Variants in GATAD2B observed in about 807,000 individuals in gnomAD.
GATAD2B encodes GATA zinc finger domain containing 2B, also known as transcriptional repressor p66-beta.
A neutral mutation model predicts 64.3 loss-of-function variants in GATAD2B; 8 were observed. The ratio of observed to expected loss-of-function variants is 0.12; its 90% CI spans 0.07 to 0.22. GATAD2B has a LOEUF of 0.22. Ranked by LOEUF, GATAD2B falls within the 10% of genes least tolerant of loss-of-function variation. GATAD2B has a pLI of 1.00. For synonymous variants in GATAD2B, 281 were observed against 271.3 expected (o/e 1.04, Z -0.35); for missense variants, 453 against 752.0 (o/e 0.60, Z 4.65).
At chr1:153,861,781 CA>C (rs869141712) in intron 1 of GATAD2B, among the ~76,000 whole-genome samples, 19 of 85,722 alleles carry the variant, frequency 2.2e-4, no homozygotes, top group East Asian at 1.5e-3. Flanking sequence ...GACTCCATTT[CA>C]AAAAAAAAAA....
At chr1:153,900,727 G>C (rs1677741166) in intron 1 of GATAD2B, among the ~76,000 whole-genome samples, 1 of 152,036 alleles carries the variant, frequency 6.6e-6, no homozygotes, top group Admixed American at 6.6e-5. Context: ...TTTAGGTTTT[G>C]GAGGCCTTAA....
intron 1 of GATAD2B, among the ~76,000 whole-genome samples, chr1:153,889,955 C>T (rs570429311): frequency 4.0e-5 from 6 of 151,848 alleles, no homozygotes; most frequent in Non-Finnish European, 8.8e-5. Context: ...GGGCAGATCA[C>T]CTGAGGTCGG....
chr1:153,865,475 TA>T (rs543969339), intron 1 of GATAD2B, among the ~76,000 whole-genome samples: 1 of 151,382 alleles, frequency 6.6e-6, no homozygotes, highest in Non-Finnish European at 1.5e-5. Flanking sequence ...ACAAATAATT[TA>T]AAAAAAAATC....
At chr1:153,861,809 T>TATATATATATATATACAC (rs1294838675) in intron 1 of GATAD2B, among the ~76,000 whole-genome samples, 19 of 122,184 alleles carry the variant, frequency 1.6e-4, no homozygotes, top group African/African-American at 5.1e-4. Flanking sequence ...TATATATATA[T>TATATATATATATATACAC]ACACATATGT....
At chr1:153,877,308 A>G (rs1261478236) in intron 1 of GATAD2B, among the ~76,000 whole-genome samples, 2 of 152,152 alleles carry the variant, frequency 1.3e-5, no homozygotes, top group African/African-American at 2.4e-5. Context: ...ACACTACTGC[A>G]CTCCAGCCTG....
intron 1 of GATAD2B, chr1:153,852,686 T>C (rs988515910): frequency 2.2e-6 from 2 of 916,136 alleles, no homozygotes; most frequent in Non-Finnish European, 3.7e-6. Flanking sequence ...TTTGCTTAGC[T>C]TCTTTAACCC....
chr1:153,917,998 G>A (rs1187240174), intron 1 of GATAD2B, among the ~76,000 whole-genome samples: 1 of 152,148 alleles, frequency 6.6e-6, no homozygotes, highest in African/African-American at 2.4e-5. Flanking sequence ...ATTCTCTGTG[G>A]GGAAACCTAG....
At chr1:153,852,995 C>A in intron 1 of GATAD2B, 2 of 1,071,554 alleles carry the variant, frequency 1.9e-6, no homozygotes, top group Admixed American at 1.7e-5. Flanking sequence ...CCAGTCACTA[C>A]CCCTTTGGTC....
At position 153,922,867 on chromosome 1, in the gene GATAD2B, C is replaced by T. The variant is rs1362855138; in HGVS notation, c.-136G>A. 2.9e-4 allele frequency: 16 copies of T among 55,254 alleles called. No individual in the cohort carries two copies. The Admixed American group carries it at 3.6e-3, about 12-fold the overall frequency. The allele number at this position is 55,254 out of a possible 1,614,324, so 3.4% of individuals were successfully genotyped here. On this transcript the variant is annotated 5_prime_UTR_variant, in exon 1 of 11. Coordinates refer to ENST00000368655, the MANE Select transcript of GATAD2B (RefSeq NM_020699.4). ...TAGGGACGGGGGTAGGGGAGGGGGG[C>T]GGGCCGGACCGGGGCGGGCGGGCGG... is the stretch of plus-strand genomic sequence containing the variant.
intron 1 of GATAD2B, among the ~76,000 whole-genome samples, chr1:153,896,700 T>C (rs1274540792): frequency 6.6e-6 from 1 of 152,086 alleles, no homozygotes; most frequent in African/African-American, 2.4e-5. Flanking sequence ...CCTCCCAAAG[T>C]GCTGGGATTA....
At position 153,913,845 on chromosome 1, in the gene GATAD2B, G is replaced by A. The variant is rs537304615; in HGVS notation, c.-2+8888C>T. Among the ~76,000 whole-genome samples the A allele has an allele frequency of 7.4e-4, 113 of 151,882 alleles. 1 individual carries two copies. In the South Asian group the frequency reaches 9.6e-3, roughly 13 times the overall value. On this transcript the variant is annotated intron_variant, in intron 1 of 10. Transcript: ENST00000368655. The stretch of plus-strand genomic sequence containing the variant: ...TGAGGCAGGAGAATGGCGTGAACCC[G>A]GGAGGCAGAGCTTGCAGTGAGCCGA...
chr1:153,853,372 G>A (rs1675972976), intron 1 of GATAD2B: 1 of 688,338 alleles, frequency 1.5e-6, no homozygotes, highest in Non-Finnish European at 2.7e-6. Context: ...GACCACCCGA[G>A]TCATCACACT....
rs771697814 is a variant in GATAD2B at position 153,808,088 on chromosome 1, A to C, written c.*2089T>G. 15 of 152,086 alleles carry C rather than the reference A, an allele frequency of 9.9e-5. No individual in the cohort carries two copies. The highest frequency in any genetic ancestry group is 1.6e-4 in the Non-Finnish European group (11 of 68,002). 9.4% of individuals were successfully genotyped at this position (152,086 alleles called of 1,614,324 possible). On this transcript the variant is annotated 3_prime_UTR_variant, in exon 11 of 11. Transcript: ENST00000368655. Reference sequence around the variant, plus strand: ...TATATATATATATAATTTTAAAATAATCCCAGACCCAGTTCCATTAACCCC... The same window carrying C: ...TATATATATATATAATTTTAAAATACTCCCAGACCCAGTTCCATTAACCCC...
At chr1:153,860,207 C>T (rs1325614601) in intron 1 of GATAD2B, among the ~76,000 whole-genome samples, 1 of 151,986 alleles carries the variant, frequency 6.6e-6, no homozygotes, top group Non-Finnish European at 1.5e-5. Flanking sequence ...GAGCCACTTG[C>T]ACTCGGCCTG....
intron 1 of GATAD2B, among the ~76,000 whole-genome samples, chr1:153,879,902 G>A (rs998324957): frequency 2.0e-5 from 3 of 151,988 alleles, no homozygotes; most frequent in Non-Finnish European, 4.4e-5. Flanking sequence ...GCAATGCATG[G>A]ACACTTAGAA....
At chr1:153,922,395 G>A (rs1211935149) in intron 1 of GATAD2B, among the ~76,000 whole-genome samples, 3 of 151,454 alleles carry the variant, frequency 2.0e-5, no homozygotes, top group South Asian at 2.1e-4. Context: ...CGTGAGGGAG[G>A]GGAGAAAGAG....
At position 153,818,213 on chromosome 1, in the gene GATAD2B, C is replaced by T. The variant is rs1261223054; in HGVS notation, c.598-42G>A. ...AAAATAAGACTGTGGCCAATAATCACAGGTGGAAATTTGGTACATTTCTAG... is the reference window on the plus strand; with the variant it reads ...AAAATAAGACTGTGGCCAATAATCATAGGTGGAAATTTGGTACATTTCTAG... On this transcript the variant is annotated intron_variant, in intron 4 of 10. Transcript: ENST00000368655. 2.0e-6 allele frequency: 3 copies of T among 1,536,320 alleles called. No individual in the cohort carries two copies. The South Asian group carries it at 3.6e-5, about 19-fold the overall frequency.
intron 2 of GATAD2B, among the ~76,000 whole-genome samples, chr1:153,825,427 T>A (rs898729900): frequency 6.6e-6 from 1 of 152,040 alleles, no homozygotes. Flanking sequence ...TTGTTTTTGC[T>A]TTTTTTTAAA....
intron 1 of GATAD2B, among the ~76,000 whole-genome samples, chr1:153,894,397 G>A (rs902112236): frequency 3.3e-5 from 5 of 152,126 alleles, no homozygotes; most frequent in Middle Eastern, 6.8e-3. Flanking sequence ...CAACCCAGAA[G>A]GCAGAGGTTG....
Sources: gnomAD v4.1 joint callset for allele counts (sites outside exome capture counted in the v4.1 genomes callset) on GRCh38, gnomAD v4.1.1 for gene constraint, MANE v1.5 for transcripts, NCBI Gene and HGNC (gene_info 2026-07-23, HGNC 2026-07-21) for gene names.